Variants in FXYD6 observed in about 807,000 individuals in gnomAD.
The protein encoded by FXYD6 is FXYD domain containing ion transport regulator 6.
Under a neutral mutation model 16.7 loss-of-function variants are expected in FXYD6, and 7 were observed. The ratio of observed to expected loss-of-function variants is 0.42; its 90% CI spans 0.24 to 0.79. The LOEUF (loss-of-function observed/expected upper bound fraction) is 0.79, where lower values mean the gene tolerates loss of function less well. Among genes scored for constraint, FXYD6 ranks in the 30% least tolerant of loss-of-function variants. FXYD6 has a pLI of 0.28. For synonymous variants in FXYD6, 49 were observed against 43.0 expected, an observed-to-expected ratio of 1.14 and a Z score of -0.54; for missense variants, 111 against 116.2, an observed-to-expected ratio of 0.95 and a Z score of 0.21.
At chr11:117,864,464 G>A (rs1485369039) in intron 1 of FXYD6, among the ~76,000 whole-genome samples, 1 of 152,106 alleles carries the variant, frequency 6.6e-6, no homozygotes, top group Non-Finnish European at 1.5e-5. Context: ...TGAGCTACAC[G>A]TAAAACCTAA....
chr11:117,852,021 A>G (rs2056620283), intron 1 of FXYD6, among the ~76,000 whole-genome samples: 1 of 152,256 alleles, frequency 6.6e-6, no homozygotes, highest in South Asian at 2.1e-4. Context: ...GTCATGAGAC[A>G]GGCTACGGAG....
At chr11:117,858,651 C>CT (rs1293019621) in intron 1 of FXYD6, among the ~76,000 whole-genome samples, 2 of 70,474 alleles carry the variant, frequency 2.8e-5, no homozygotes, top group South Asian at 1.7e-3. Context: ...TTCTTTCTTT[C>CT]TTTCTTTCTT....
chr11:117,858,719 CCTTCCCT>C lies in FXYD6; in HGVS notation c.-5-15945_-5-15939del, dbSNP rs1565323903. The stretch of plus-strand genomic sequence containing the variant: ...TCTTTCTTTCTCTCTCTCTCTCCTT[CCTTCCCT>C]TCCTTCCTTCCTTCCTTCCTTCCTT... On this transcript the variant is annotated intron_variant, in intron 1 of 7. Coordinates refer to ENST00000526014, the MANE Select transcript of FXYD6 (RefSeq NM_022003.4). Among the ~76,000 whole-genome samples the C allele has an allele frequency of 9.1e-4, 91 of 99,964 alleles. 4 individuals carry two copies. The highest frequency in any genetic ancestry group is 3.2e-3 in the African/African-American group (83 of 25,746). 65.6% of individuals were successfully genotyped at this position (99,964 alleles called of 152,430 possible).
Position 117,837,898 on chromosome 11 carries a change from A to C in FXYD6, c.*401T>G. 1 of 375,570 alleles carries C rather than the reference A, an allele frequency of 2.7e-6. No homozygotes were observed. 23.3% of individuals were successfully genotyped at this position (375,570 alleles called of 1,614,324 possible). ...AGCAGCCTCCTAGGAGCAGAAGGTG[A>C]TGGAGGGCCACGGGGGCAGGGAGGA... is the stretch of plus-strand genomic sequence containing the variant. On this transcript the variant is annotated 3_prime_UTR_variant, in exon 8 of 8. Coordinates refer to ENST00000526014, the MANE Select transcript of FXYD6 (RefSeq NM_022003.4). This position sits in a 1 kb window ranked among gnomAD's most constrained non-coding sequence, Gnocchi z 4.4.
intron 1 of FXYD6, among the ~76,000 whole-genome samples, chr11:117,846,965 C>T (rs970099519): frequency 2.6e-5 from 4 of 152,196 alleles, no homozygotes; most frequent in African/African-American, 9.7e-5. Context: ...TATAGAACAA[C>T]CTGGGGAGAA....
At chr11:117,842,862 G>A (rs1034598404) in intron 1 of FXYD6, 81 bp from the exon 2 acceptor site, 5 of 1,451,514 alleles carry the variant, frequency 3.4e-6, no homozygotes, top group Non-Finnish European at 4.7e-6. Context: ...CTGACCAGGG[G>A]CCAAGCCAAA....
intron 1 of FXYD6, among the ~76,000 whole-genome samples, chr11:117,846,107 TTC>T (rs1221431646): frequency 6.6e-6 from 1 of 152,248 alleles, no homozygotes; most frequent in African/African-American, 2.4e-5. Flanking sequence ...TGTGGATATT[TTC>T]TGTTGTCAGA....
chr11:117,866,822 T>A (rs568993135), intron 1 of FXYD6, among the ~76,000 whole-genome samples: 4 of 152,148 alleles, frequency 2.6e-5, no homozygotes, highest in Non-Finnish European at 5.9e-5. Context: ...TCAGGGTGGG[T>A]GCCAACAGAA....
chr11:117,847,427 A>G (rs2056497658), intron 1 of FXYD6, among the ~76,000 whole-genome samples: 2 of 151,986 alleles, frequency 1.3e-5, no homozygotes, highest in South Asian at 2.1e-4. Flanking sequence ...GGTTTGTTAC[A>G]TATGTATACA....
At position 117,839,797 on chromosome 11, in the gene FXYD6, G is replaced by C; in HGVS notation, c.*5C>G. ...GCATCTCACCTTCCACCTGATGGCTGCACTTCAGTTCTCTGCTTTCTGGGG... is the reference window on the plus strand; with the variant it reads ...GCATCTCACCTTCCACCTGATGGCTCCACTTCAGTTCTCTGCTTTCTGGGG... On this transcript the variant is annotated 3_prime_UTR_variant, in exon 7 of 8. Coordinates refer to ENST00000526014, the MANE Select transcript of FXYD6 (RefSeq NM_022003.4). 3 of 1,614,198 alleles carry C rather than the reference G, an allele frequency of 1.9e-6. No homozygotes were observed. Among genetic ancestry groups the C allele is most frequent in the Non-Finnish European group, 2.5e-6 (3 of 1,180,022 alleles).
At chr11:117,861,310 A>G (rs2056901456) in intron 1 of FXYD6, among the ~76,000 whole-genome samples, 1 of 152,152 alleles carries the variant, frequency 6.6e-6, no homozygotes, top group Non-Finnish European at 1.5e-5. Flanking sequence ...ATCCTGCCGG[A>G]TGAAAGGAGG....
intron 1 of FXYD6, among the ~76,000 whole-genome samples, chr11:117,851,905 A>C (rs1255897403): frequency 6.6e-6 from 1 of 152,250 alleles, no homozygotes; most frequent in East Asian, 1.9e-4. Flanking sequence ...CAAAAGTGGC[A>C]AAAGGACAGC....
Position 117,871,269 on chromosome 11 carries a change from T to C in FXYD6, c.-6+5323A>G, listed in dbSNP as rs80178966. On this transcript the variant is annotated intron_variant, in intron 1 of 7. Coordinates refer to ENST00000526014, the MANE Select transcript of FXYD6 (RefSeq NM_022003.4). ...GGATGTGCATCTTGGGAACGCGTGG[T>C]GTGCACCGGCGTATGGGAGACAGCC... is the stretch of plus-strand genomic sequence containing the variant. Among the ~76,000 whole-genome samples the C allele has an allele frequency of 3.5e-3, 532 of 152,280 alleles. 7 individuals are homozygous for C. The highest frequency in any genetic ancestry group is 0.012 in the African/African-American group (500 of 41,550).
chr11:117,859,285 C>CCGGGGTTGGAGATCTTTGTGCCTT (rs1234041098), intron 1 of FXYD6, among the ~76,000 whole-genome samples: 77 of 152,322 alleles, frequency 5.1e-4, no homozygotes, highest in African/African-American at 1.7e-3. Flanking sequence ...GGAGGGAGGT[C>CCGGGGTTGGAGATCTTTGTGCCTT]CGGGGTTGGA....
chr11:117,844,606 T>A (rs988139865), intron 1 of FXYD6, among the ~76,000 whole-genome samples: 6 of 152,302 alleles, frequency 3.9e-5, no homozygotes, highest in East Asian at 1.9e-4. Context: ...ACGATTCTCC[T>A]GCTTCTGCCT....
At chr11:117,861,670 T>C (rs2056909441) in intron 1 of FXYD6, among the ~76,000 whole-genome samples, 1 of 152,232 alleles carries the variant, frequency 6.6e-6, no homozygotes, top group Non-Finnish European at 1.5e-5. Flanking sequence ...TTCTACCTTT[T>C]CCAGGAAAAT....
At chr11:117,843,821 T>C (rs1489673565) in intron 1 of FXYD6, 1 of 152,182 alleles carries the variant, frequency 6.6e-6, no homozygotes, top group Non-Finnish European at 1.5e-5. Flanking sequence ...CAGGAGCTCA[T>C]CAGTCCTGGT....
intron 1 of FXYD6, chr11:117,858,365 A>AG (rs1565322894): frequency 6.6e-6 from 1 of 152,494 alleles, no homozygotes. Context: ...GCAGAGCTCC[A>AG]GGGGGGCTTT....
intron 1 of FXYD6, 127 bp from the exon 2 acceptor site, chr11:117,842,908 G>T: frequency 1.1e-6 from 1 of 948,392 alleles, no homozygotes; most frequent in Non-Finnish European, 1.6e-6. Flanking sequence ...ACTTGGTGAG[G>T]GTTCAAACAA....
Sources: allele counts gnomAD v4.1 joint callset (sites outside exome capture counted in the v4.1 genomes callset), GRCh38; gene constraint gnomAD v4.1.1; non-coding constraint Gnocchi (gnomAD v3.1); transcripts MANE v1.5; gene names NCBI Gene and HGNC (gene_info 2026-07-23, HGNC 2026-07-21).